Variants in TYW1B observed in about 807,000 individuals in gnomAD.
The protein encoded by TYW1B is tRNA-yW synthesizing protein 1 homolog B.
Under a neutral mutation model 86.9 loss-of-function variants are expected in TYW1B, and 73 were observed. The ratio of observed to expected loss-of-function variants is 0.84; its 90% CI spans 0.70 to 1.02. The LOEUF (loss-of-function observed/expected upper bound fraction) is 1.02. TYW1B is among the 50% of genes least tolerant of loss of function. The pLI is 0.00. For synonymous variants in TYW1B, 248 were observed against 292.8 expected (o/e 0.85, Z 1.56); for missense variants, 637 against 827.4 (o/e 0.77, Z 2.82).
chr7:72,780,638 A>G (rs1209479356), intron 6 of TYW1B, among the ~76,000 whole-genome samples: 1 of 152,118 alleles, frequency 6.6e-6, no homozygotes, highest in Non-Finnish European at 1.5e-5. Flanking sequence ...CTGTCCCTTC[A>G]CTAGAGAAAG....
chr7:72,801,432 T>A lies in TYW1B; in HGVS notation c.846+968A>T, dbSNP rs549965823. Among the ~76,000 whole-genome samples the A allele has an allele frequency of 7.2e-5, 11 of 152,346 alleles. No individual in the cohort carries two copies. In the East Asian group the frequency reaches 2.1e-3, roughly 29 times the overall value. On this transcript the variant is annotated intron_variant, in intron 6 of 13. Coordinates refer to ENST00000620995, the MANE Select transcript of TYW1B (RefSeq NM_001145440.3). ...ACTATAGCTTCTAACTGGTTATTGTTTGGAAATATAAAGTCTATTGACTTT... is the reference window on the plus strand; with the variant it reads ...ACTATAGCTTCTAACTGGTTATTGTATGGAAATATAAAGTCTATTGACTTT...
At chr7:72,627,494 AC>A (rs782813725) in intron 12 of TYW1B, among the ~76,000 whole-genome samples, 23 of 151,472 alleles carry the variant, frequency 1.5e-4, no homozygotes, top group Admixed American at 2.7e-4. Context: ...ACATAACATA[AC>A]ATAACATAAC....
chr7:72,719,402 G>A (rs113575734), intron 9 of TYW1B, among the ~76,000 whole-genome samples: 1 of 151,784 alleles, frequency 6.6e-6, no homozygotes, highest in Non-Finnish European at 1.5e-5. Flanking sequence ...AGGCTGAGGC[G>A]GGTGGATCAT....
At chr7:72,769,213 A>G (rs782804431) in intron 7 of TYW1B, 21 of 327,736 alleles carry the variant, frequency 6.4e-5, no homozygotes, top group Non-Finnish European at 9.4e-5. Flanking sequence ...ACTGAAAAAT[A>G]TAACAGAAGT....
intron 11 of TYW1B, among the ~76,000 whole-genome samples, chr7:72,632,307 A>AT (rs1554439933): frequency 1.2e-4 from 11 of 92,990 alleles, no homozygotes; most frequent in South Asian, 3.2e-4. Context: ...ATACGTGTAT[A>AT]TATATTATAT....
At chr7:72,585,933 CAG>C (rs1811264628) in intron 13 of TYW1B, among the ~76,000 whole-genome samples, 1 of 152,182 alleles carries the variant, frequency 6.6e-6, no homozygotes, top group African/African-American at 2.4e-5. Context: ...CCCCAGAAAA[CAG>C]AGCTACTCCC....
chr7:72,614,994 G>A lies in TYW1B; in HGVS notation c.1785+1678C>T, dbSNP rs533916938. On this transcript the variant is annotated intron_variant, in intron 13 of 13. Transcript: ENST00000620995. ...TCATTACACTACAGAAAGATGAAAG[G>A]ACTTGCACAAAGTCACCTAGTCAAC... Among the ~76,000 whole-genome samples, 4 of 152,232 alleles carry A rather than the reference G, an allele frequency of 2.6e-5. No individual in the cohort carries two copies. The South Asian group carries it at 8.3e-4, about 32-fold the overall frequency.
At chr7:72,748,211 G>A (rs1554464203) in intron 7 of TYW1B, among the ~76,000 whole-genome samples, 1 of 152,128 alleles carries the variant, frequency 6.6e-6, no homozygotes, top group African/African-American at 2.4e-5. Context: ...AGAGCTTGCA[G>A]TGAGCCGAGA....
chr7:72,580,150 C>T (rs1350166384), intron 13 of TYW1B, among the ~76,000 whole-genome samples: 4 of 152,258 alleles, frequency 2.6e-5, no homozygotes, highest in Middle Eastern at 3.4e-3. Context: ...CTGAAATGAA[C>T]AGAGCCACTA....
At chr7:72,813,269 A>G (rs1788658913) in intron 3 of TYW1B, among the ~76,000 whole-genome samples, 1 of 142,634 alleles carries the variant, frequency 7.0e-6, no homozygotes. Flanking sequence ...TCCACCTCCC[A>G]GGTTCAAGCA....
At chr7:72,819,192 A>G (rs1319901224) in intron 2 of TYW1B, among the ~76,000 whole-genome samples, 4 of 152,198 alleles carry the variant, frequency 2.6e-5, no homozygotes, top group East Asian at 3.9e-4. Context: ...GAGAGTTAAC[A>G]AAGAGCCACA....
intron 9 of TYW1B, among the ~76,000 whole-genome samples, chr7:72,717,161 C>T (rs1296595375): frequency 1.3e-5 from 2 of 151,870 alleles, no homozygotes; most frequent in African/African-American, 2.4e-5. Context: ...ATTAGCCAGG[C>T]GTGGTGGTGC....
chr7:72,589,658 C>T (rs1226754960), intron 13 of TYW1B, among the ~76,000 whole-genome samples: 6 of 152,204 alleles, frequency 3.9e-5, no homozygotes, highest in Non-Finnish European at 8.8e-5. Context: ...AGGTGGATCA[C>T]TTGAGGTCAG....
chr7:72,809,940 C>T (rs1554477624), intron 4 of TYW1B, among the ~76,000 whole-genome samples: 1 of 146,508 alleles, frequency 6.8e-6, no homozygotes, highest in Non-Finnish European at 1.5e-5. Context: ...GCGGAGGTTG[C>T]AGTCAGCTGA....
At chr7:72,581,905 C>A (rs1329638478) in intron 13 of TYW1B, among the ~76,000 whole-genome samples, 8 of 151,864 alleles carry the variant, frequency 5.3e-5, no homozygotes, top group South Asian at 2.1e-4. Context: ...GTAGCTGGGA[C>A]TACAGGCACA....
At chr7:72,648,625 T>C (rs1312248401) in intron 11 of TYW1B, among the ~76,000 whole-genome samples, 1 of 151,782 alleles carries the variant, frequency 6.6e-6, no homozygotes, top group Non-Finnish European at 1.5e-5. Context: ...TTGAGTTCAG[T>C]AGAACCTAAG....
intron 8 of TYW1B, among the ~76,000 whole-genome samples, chr7:72,731,977 G>A (rs1554460051): frequency 6.6e-6 from 1 of 152,020 alleles, no homozygotes; most frequent in East Asian, 1.9e-4. Context: ...AAGCAAGCAA[G>A]AGTAGCTATC....
intron 6 of TYW1B, among the ~76,000 whole-genome samples, chr7:72,778,297 A>T (rs1285532350): frequency 6.6e-6 from 1 of 152,226 alleles, no homozygotes. Context: ...CACCTGATGT[A>T]CAATAGGCGT....
At chr7:72,620,099 T>C (rs1461948951) in intron 12 of TYW1B, among the ~76,000 whole-genome samples, 2 of 152,120 alleles carry the variant, frequency 1.3e-5, no homozygotes, top group African/African-American at 2.4e-5. Context: ...TTTTGCCAGA[T>C]AAAACCCTTT....
Sources: gnomAD v4.1 joint callset for allele counts (sites outside exome capture counted in the v4.1 genomes callset) on GRCh38, gnomAD v4.1.1 for gene constraint, MANE v1.5 for transcripts, NCBI Gene and HGNC (gene_info 2026-07-23, HGNC 2026-07-21) for gene names.